The following SORD variants were observed in gnomAD, a reference collection of about 807,000 sequenced individuals.
SORD encodes the protein (R,R)-butanediol dehydrogenase.
SORD carries 18 observed loss-of-function variants against 35.6 expected under a neutral mutation model. That is an observed-to-expected ratio of 0.51 (90% confidence interval 0.35 to 0.75). SORD has a LOEUF of 0.75. Among genes scored for constraint, SORD ranks in the 30% least tolerant of loss-of-function variants. SORD has a pLI of 0.01. For missense variants in SORD, 250 were observed against 390.2 expected (o/e 0.64, Z 3.03); for synonymous variants, 106 against 152.9 (o/e 0.69, Z 2.26).
intron 7 of SORD, 142 bp downstream of exon 7, chr15:45,069,194 CTTTT>C (rs752540495): frequency 0.01 from 1,168 of 116,718 alleles, 43 homozygotes; most frequent in African/African-American, 0.025. Flanking sequence ...TTTTCTTTTT[CTTTT>C]TTTTTTTTTT....
In SORD at chr15:45,061,174, G is replaced by A. The variant is rs754952217; in HGVS notation, c.373G>A (p.Asp125Asn). 8.1e-6 allele frequency: 13 copies of A among 1,614,148 alleles called. No homozygotes were observed. The highest frequency in any genetic ancestry group is 1.7e-5 in the Admixed American group (1 of 60,020). Residue 125 changes from aspartate to asparagine, a missense_variant, in exon 4 of 9, where the codon GAT becomes AAT. Transcript: ENST00000267814. Reference sequence around the variant, plus strand: ...CATCTTCTTCTGTGCCACGCCCCCCGATGACGGGAACCTCTGCCGGTTCTA... The same window carrying A: ...CATCTTCTTCTGTGCCACGCCCCCCAATGACGGGAACCTCTGCCGGTTCTA... ...PSIFFCATPP[D>N]DGNLCRFYKH... is the part of the protein sequence containing the mutation.
intron 7 of SORD, among the ~76,000 whole-genome samples, chr15:45,069,326 C>T (rs1385726734): frequency 1.3e-5 from 2 of 150,422 alleles, no homozygotes; most frequent in Non-Finnish European, 2.9e-5. Context: ...CCTGCCTCAG[C>T]GTCCCGAGTA....
intron 1 of SORD, among the ~76,000 whole-genome samples, chr15:45,026,181 G>A (rs987801107): frequency 2.0e-5 from 3 of 152,170 alleles, no homozygotes; most frequent in Non-Finnish European, 4.4e-5. Flanking sequence ...CCCCGAGTGT[G>A]GTATCACTGC....
At chr15:45,065,856 G>A (rs140311634) in intron 5 of SORD, among the ~76,000 whole-genome samples, 1,685 of 152,108 alleles carry the variant, frequency 0.011, 32 homozygotes, top group African/African-American at 0.037. Flanking sequence ...GGAGGTCAAG[G>A]GTGCAGCGAG....
intron 1 of SORD, among the ~76,000 whole-genome samples, chr15:45,030,773 C>T (rs977817948): frequency 2.6e-5 from 4 of 152,216 alleles, no homozygotes; most frequent in African/African-American, 7.2e-5. Context: ...ATGCTAGGTG[C>T]TGGAGAAGTG....
intron 7 of SORD, among the ~76,000 whole-genome samples, chr15:45,071,488 A>G (rs1353351807): frequency 1.3e-5 from 2 of 152,122 alleles, no homozygotes; most frequent in African/African-American, 2.4e-5. Context: ...TCAGAACTGG[A>G]GGCTGTGACA....
chr15:45,046,917 C>T (rs1426173360), intron 3 of SORD, among the ~76,000 whole-genome samples: 1 of 152,094 alleles, frequency 6.6e-6, no homozygotes, highest in Non-Finnish European at 1.5e-5. Context: ...ATTCAGGAGG[C>T]TGAGGCAGGA....
chr15:45,031,367 C>T (rs75737193), intron 1 of SORD, among the ~76,000 whole-genome samples: 31,242 of 150,406 alleles, frequency 0.21, 6 homozygotes, highest in African/African-American at 0.44. Flanking sequence ...TGGCAAGTAG[C>T]TCCAGAGACC....
chr15:45,055,439 G>A (rs1263336306), intron 3 of SORD, among the ~76,000 whole-genome samples: 1 of 152,138 alleles, frequency 6.6e-6, no homozygotes, highest in Non-Finnish European at 1.5e-5. Context: ...GACTAAACCA[G>A]GAAGAAGTTG....
At chr15:45,061,618 A>G (rs1051841775) in intron 4 of SORD, among the ~76,000 whole-genome samples, 2 of 151,970 alleles carry the variant, frequency 1.3e-5, no homozygotes, top group Non-Finnish European at 2.9e-5. Context: ...CTGTAATCCC[A>G]GCACTTTAGG....
At chr15:45,040,259 A>G (rs1284752879) in intron 1 of SORD, 149 bp from the exon 2 acceptor site, 2 of 621,274 alleles carry the variant, frequency 3.2e-6, no homozygotes, top group East Asian at 5.6e-5. Flanking sequence ...CCCCTCAGGC[A>G]TGCACCCAGG....
chr15:45,031,264 G>A (rs1892780759), intron 1 of SORD, among the ~76,000 whole-genome samples: 1 of 152,088 alleles, frequency 6.6e-6, no homozygotes, highest in Non-Finnish European at 1.5e-5. Flanking sequence ...ATTGTGGTGA[G>A]CTATTAATGT....
chr15:45,061,992 C>G (rs997500239), intron 4 of SORD, among the ~76,000 whole-genome samples: 3 of 152,070 alleles, frequency 2.0e-5, no homozygotes, highest in African/African-American at 7.2e-5. Context: ...GATCTACTCC[C>G]TCCTGGCAAG....
chr15:45,060,416 G>A (rs1044616747), intron 3 of SORD, among the ~76,000 whole-genome samples: 8 of 152,026 alleles, frequency 5.3e-5, no homozygotes, highest in Non-Finnish European at 8.8e-5. Context: ...GGTGTAGTGA[G>A]GCATAGAATA....
At position 45,023,452 on chromosome 15, in the gene SORD, C is replaced by T. The variant is rs1161408570; in HGVS notation, c.66+103C>T. On this transcript the variant is annotated intron_variant, in intron 1 of 8. Transcript: ENST00000267814. ...CACTTCCAGCCTGGCGCCGGCCCCG[C>T]ACCTTAAGCGCCCTGGCTGCCCAGA... 30 of 1,051,272 alleles carry T rather than the reference C, an allele frequency of 2.9e-5. No homozygotes were observed. In the East Asian group the frequency reaches 3.2e-4, roughly 11 times the overall value. The allele number at this position is 1,051,272 out of a possible 1,614,324, so 65.1% of individuals were successfully genotyped here.
Position 45,035,463 on chromosome 15 carries a change from C to CG in SORD, c.67-4945_67-4944insG, listed in dbSNP as rs1555409087. Among the ~76,000 whole-genome samples, 460 of 151,796 alleles carry CG rather than the reference C, an allele frequency of 3.0e-3. 8 individuals carry two copies. The highest frequency in any genetic ancestry group is 0.011 in the African/African-American group (441 of 41,124). On this transcript the variant is annotated intron_variant, in intron 1 of 8. Transcript: ENST00000267814. ...AATCCACACTCTGTATCTAGCTAAT[C>CG]TGGGGGGGAGGTGGAAAACCTTTGT...
chr15:45,066,345 T>C (rs1166504774), intron 5 of SORD, among the ~76,000 whole-genome samples: 25 of 151,746 alleles, frequency 1.6e-4, no homozygotes, highest in Admixed American at 1.6e-3. Context: ...AGAGTCTTAC[T>C]CTGTTGCCCA....
intron 2 of SORD, among the ~76,000 whole-genome samples, 200 bp downstream of exon 2, chr15:45,040,641 A>G (rs1417805931): frequency 6.6e-6 from 1 of 152,214 alleles, no homozygotes; most frequent in East Asian, 1.9e-4. Flanking sequence ...TGGCTGCTAC[A>G]TGAAATAAAA....
At position 45,069,052 on chromosome 15, in the gene SORD, C is replaced by G; in HGVS notation, c.786C>G (p.Tyr262Ter). ...AGGCCTCCATCCAGGCGGGCATCTA[C>G]GTGAGTGGGCTGAGGGCAGCTTTGG... is the stretch of plus-strand genomic sequence containing the variant. ...GAEASIQAGI[Y>*]ATRSGGNLVL... Residue 262 changes from tyrosine to a stop codon, truncating the protein, a stop_gained and splice_region_variant, in exon 7 of 9, where the codon TAC becomes TAG. Transcript: ENST00000267814. LOFTEE classifies it high-confidence loss of function. 6.2e-7 allele frequency: 1 copy of G among 1,606,394 alleles called. No homozygotes were observed.
Sources: gnomAD v4.1 joint callset for allele counts (sites outside exome capture counted in the v4.1 genomes callset) on GRCh38, gnomAD v4.1.1 for gene constraint, MANE v1.5 for transcripts, NCBI Gene and HGNC (gene_info 2026-07-23, HGNC 2026-07-21) for gene names.